GAS7: variants seen among roughly 807,000 people sequenced by gnomAD.
GAS7 encodes the protein growth arrest specific 7.
A neutral mutation model predicts 71.1 loss-of-function variants in GAS7; 28 were observed. The ratio of observed to expected loss-of-function variants is 0.39; its 90% CI spans 0.29 to 0.54. The LOEUF (loss-of-function observed/expected upper bound fraction) is 0.54, where lower values mean the gene tolerates loss of function less well. Ranked by LOEUF, GAS7 falls within the 20% of genes least tolerant of loss-of-function variation. The probability of loss-of-function intolerance (pLI) is 0.62; values close to 1 mark genes in which losing one functional copy is unlikely to be tolerated. For synonymous variants in GAS7, 258 were observed against 245.8 expected (o/e 1.05, Z -0.46); for missense variants, 436 against 627.8 (o/e 0.69, Z 3.27).
intron 1 of GAS7, among the ~76,000 whole-genome samples, chr17:10,144,239 T>C (rs182181340): frequency 2.1e-3 from 321 of 152,300 alleles, no homozygotes; most frequent in Non-Finnish European, 4.0e-3. Flanking sequence ...ACCTGCTAGT[T>C]TTACTCTCCC....
chr17:10,038,768 C>T (rs962949791), intron 1 of GAS7, among the ~76,000 whole-genome samples: 1 of 147,596 alleles, frequency 6.8e-6, no homozygotes, highest in Non-Finnish European at 1.5e-5. Context: ...GGCGCAATCT[C>T]GGCTCACTGC....
intron 3 of GAS7, among the ~76,000 whole-genome samples, chr17:9,970,597 A>C (rs1684690742): frequency 6.6e-6 from 1 of 152,124 alleles, no homozygotes; most frequent in Non-Finnish European, 1.5e-5. Context: ...GCACCACTGC[A>C]CTCCAGCCTG....
chr17:9,946,797 C>G, intron 6 of GAS7, 97 bp downstream of exon 6: 1 of 710,670 alleles, frequency 1.4e-6, no homozygotes, highest in Non-Finnish European at 2.5e-6. Context: ...ACGAGAAAGG[C>G]CCCTCCACTT....
chr17:9,985,175 C>G (rs2070597950), intron 2 of GAS7, among the ~76,000 whole-genome samples: 1 of 152,172 alleles, frequency 6.6e-6, no homozygotes, highest in African/African-American at 2.4e-5. Flanking sequence ...ACTCCAGAGC[C>G]AGTCTCCCTG....
chr17:9,950,833 G>A (rs2068975328), intron 5 of GAS7, among the ~76,000 whole-genome samples: 1 of 151,742 alleles, frequency 6.6e-6, no homozygotes, highest in Admixed American at 6.6e-5. Context: ...TCCAGCCTGG[G>A]TGACAGGGCG....
intron 1 of GAS7, among the ~76,000 whole-genome samples, chr17:10,080,771 C>A (rs1168602993): frequency 6.6e-6 from 1 of 152,198 alleles, no homozygotes; most frequent in Admixed American, 6.5e-5. Context: ...AGGAAATAGT[C>A]AAGGGCCAAG....
intron 1 of GAS7, among the ~76,000 whole-genome samples, chr17:10,159,177 C>G (rs1384429449): frequency 1.3e-5 from 2 of 150,070 alleles, no homozygotes; most frequent in Non-Finnish European, 3.0e-5. Flanking sequence ...AGCAATGGCA[C>G]ACACAGACAA....
intron 4 of GAS7, among the ~76,000 whole-genome samples, chr17:9,962,873 T>C (rs1191836935): frequency 6.6e-6 from 1 of 151,728 alleles, no homozygotes; most frequent in African/African-American, 2.4e-5. Flanking sequence ...ACCTGGGTGG[T>C]TGTGCCCCCA....
chr17:10,173,220 G>A (rs575155140), intron 1 of GAS7, among the ~76,000 whole-genome samples: 1 of 152,272 alleles, frequency 6.6e-6, no homozygotes, highest in Admixed American at 6.5e-5. Flanking sequence ...ATGAGTATGG[G>A]TTACTTTCGG....
intron 1 of GAS7, among the ~76,000 whole-genome samples, chr17:10,161,294 A>G (rs183757218): frequency 1.3e-5 from 2 of 152,286 alleles, no homozygotes; most frequent in Admixed American, 6.5e-5. Flanking sequence ...CTTGGGTGAC[A>G]TGTCCATTTC....
intron 11 of GAS7, among the ~76,000 whole-genome samples, chr17:9,925,225 G>T (rs1006693230): frequency 2.0e-5 from 3 of 152,134 alleles, no homozygotes; most frequent in Admixed American, 2.0e-4. Flanking sequence ...AAGGAGTCCA[G>T]CCTCTACCAT....
intron 1 of GAS7, among the ~76,000 whole-genome samples, chr17:10,119,507 T>C (rs2142075028): frequency 6.6e-6 from 1 of 152,346 alleles, no homozygotes; most frequent in East Asian, 1.9e-4. Flanking sequence ...CGAAACATGC[T>C]AAACAAGCTG....
intron 9 of GAS7, among the ~76,000 whole-genome samples, chr17:9,929,042 C>A (rs375744098): frequency 6.6e-6 from 1 of 152,182 alleles, no homozygotes; most frequent in African/African-American, 2.4e-5. Context: ...AACATCCCCA[C>A]CTGGCGGCAG....
intron 1 of GAS7, among the ~76,000 whole-genome samples, chr17:10,187,631 T>C (rs2074465425): frequency 6.6e-6 from 1 of 152,204 alleles, no homozygotes; most frequent in African/African-American, 2.4e-5. Context: ...AAATCCTATT[T>C]GCCACAAGGT....
rs371084335 is a variant in GAS7, at chr17:9,927,290, T to TACACACACACACACAC, written c.886-537_886-522dup. On this transcript the variant is annotated intron_variant, in intron 9 of 13. Transcript: ENST00000432992. Reference sequence around the variant, plus strand: ...ATGGTGAAACCCCATCTCTACTACATACACACACACACACACACACACACA... The same window carrying TACACACACACACACAC: ...ATGGTGAAACCCCATCTCTACTACATACACACACACACACACACACACACACACACACACACACACA... 1.3e-3 allele frequency among the ~76,000 whole-genome samples: 152 copies of TACACACACACACACAC among 116,924 alleles called. 2 individuals carry two copies. The highest frequency in any genetic ancestry group is 1.9e-3 in the South Asian group (6 of 3,164). The allele number at this position is 116,924 out of a possible 152,430, so 76.7% of individuals were successfully genotyped here.
chr17:10,029,439 C>G (rs1232818678), intron 1 of GAS7, among the ~76,000 whole-genome samples: 1 of 152,184 alleles, frequency 6.6e-6, no homozygotes, highest in Non-Finnish European at 1.5e-5. Flanking sequence ...ACGCTGAAAG[C>G]AGCTTACAGA....
intron 6 of GAS7, among the ~76,000 whole-genome samples, chr17:9,944,210 CTGCT>C (rs2068708961): frequency 6.6e-6 from 1 of 152,240 alleles, no homozygotes; most frequent in Non-Finnish European, 1.5e-5. Context: ...ACGGCCGTGG[CTGCT>C]GGAGCACCAG....
chr17:10,184,115 T>G (rs117325268), intron 1 of GAS7, among the ~76,000 whole-genome samples: 2,799 of 152,306 alleles, frequency 0.018, 36 homozygotes, highest in Non-Finnish European at 0.027. Flanking sequence ...GTAGAGACCA[T>G]GTCCCCGTTG....
At chr17:9,932,719 A>C (rs373302506) in intron 9 of GAS7, among the ~76,000 whole-genome samples, 4 of 152,142 alleles carry the variant, frequency 2.6e-5, no homozygotes, top group African/African-American at 9.7e-5. Context: ...GGTGGGGTGG[A>C]GATAGTCAGA....
Sources: allele counts gnomAD v4.1 joint callset (sites outside exome capture counted in the v4.1 genomes callset), GRCh38; gene constraint gnomAD v4.1.1; transcripts MANE v1.5; gene names NCBI Gene and HGNC (gene_info 2026-07-23, HGNC 2026-07-21).